AGBL5: variants seen among roughly 807,000 people sequenced by gnomAD.
The protein encoded by AGBL5 is cytosolic carboxypeptidase-like protein 5.
Under a neutral mutation model 88.0 loss-of-function variants are expected in AGBL5, and 51 were observed. The ratio of observed to expected loss-of-function variants is 0.58; its 90% CI spans 0.46 to 0.73. The LOEUF (loss-of-function observed/expected upper bound fraction) is 0.73, where lower values mean the gene tolerates loss of function less well. Among genes scored for constraint, AGBL5 ranks in the 30% least tolerant of loss-of-function variants. The pLI is 0.00. For synonymous variants in AGBL5, 446 were observed against 438.8 expected, an observed-to-expected ratio of 1.02 and a Z score of -0.21; for missense variants, 1,031 against 1,162.2, an observed-to-expected ratio of 0.89 and a Z score of 1.64.
At chr2:27,058,725 A>G (rs757871299) in intron 10 of AGBL5, 123 bp downstream of exon 10, 3 of 1,061,886 alleles carry the variant, frequency 2.8e-6, no homozygotes, top group Non-Finnish European at 4.1e-6. Context: ...AAATATCTTC[A>G]GGGTAAATTA....
In AGBL5 at chr2:27,059,419, G is replaced by A; in HGVS notation, c.2089+15G>A. ...CCCCGTCAGAGGTAAGCCAGTCTGG[G>A]AGCCCCTGCAACATGTGTTCGGTTG... On this transcript the variant is annotated intron_variant, in intron 11 of 14. Coordinates refer to ENST00000360131, the MANE Select transcript of AGBL5 (RefSeq NM_021831.6). 6.2e-7 allele frequency: 1 copy of A among 1,613,942 alleles called. No homozygotes were observed. Among genetic ancestry groups the A allele is most frequent in the Non-Finnish European group, 8.5e-7 (1 of 1,179,836 alleles).
intron 9 of AGBL5, 42 bp downstream of exon 9, chr2:27,057,480 C>T (rs2148281143): frequency 1.9e-6 from 3 of 1,554,658 alleles, no homozygotes; most frequent in Non-Finnish European, 2.6e-6. Context: ...AGAAACCTTA[C>T]AGTCTGGAAA....
At chr2:27,055,021 C>A in intron 5 of AGBL5, 54 bp from the exon 6 acceptor site, 3 of 1,577,382 alleles carry the variant, frequency 1.9e-6, no homozygotes, top group South Asian at 2.3e-5. Flanking sequence ...CATATACTGT[C>A]AAAGTAGAAC....
chr2:27,067,423 A>T (rs980660473), intron 11 of AGBL5, 71 bp from the exon 12 acceptor site: 9 of 1,499,376 alleles, frequency 6.0e-6, no homozygotes, highest in Non-Finnish European at 8.2e-6. Context: ...GGAAGCCAGC[A>T]GGTCAGTGAA....
At chr2:27,069,959 TGCA>T in intron 14 of AGBL5, 130 bp from the exon 15 acceptor site, 2 of 1,509,582 alleles carry the variant, frequency 1.3e-6, no homozygotes, top group East Asian at 4.6e-5. Context: ...CAAACCACTG[TGCA>T]GTAACCAACT....
At position 27,053,823 on chromosome 2, in the gene AGBL5, C is replaced by T; in HGVS notation, c.388-73C>T. On this transcript the variant is annotated intron_variant, in intron 3 of 14. Transcript: ENST00000360131. The surrounding 1 kb of genome is among the most constrained non-coding windows in gnomAD (Gnocchi z 4.9). ...AGGTGATAAGGGTGTGAGGTCAGTT[C>T]CTGGTGGTCCCAGTAGGAGCTCAGT... The T allele has an allele frequency of 6.5e-7, 1 of 1,537,898 alleles. No individual in the cohort carries two copies. Among genetic ancestry groups the T allele is most frequent in the Non-Finnish European group, 8.8e-7 (1 of 1,137,554 alleles).
At chr2:27,070,057 T>G (rs1669203738) in intron 14 of AGBL5, 35 bp from the exon 15 acceptor site, 12 of 1,592,472 alleles carry the variant, frequency 7.5e-6, no homozygotes, top group Non-Finnish European at 1.0e-5. Context: ...AGGAGAGTTT[T>G]CACAGCCCTG....
intron 10 of AGBL5, among the ~76,000 whole-genome samples, chr2:27,058,866 T>C (rs1438083561): frequency 6.6e-6 from 1 of 152,146 alleles, no homozygotes; most frequent in East Asian, 1.9e-4. Flanking sequence ...AAATCAAATA[T>C]AATTGCAGTG....
chr2:27,055,836 T>C lies in AGBL5; in HGVS notation c.1063T>C (p.Cys355Arg). The C allele has an allele frequency of 6.2e-7, 1 of 1,614,244 alleles. No individual in the cohort carries two copies. Among genetic ancestry groups the C allele is most frequent in the South Asian group, 1.1e-5 (1 of 91,086 alleles). ...TTCCTCTGAGCACCAGCCCAGTTCCTGTCTCCCTCCTGATGCTCCTGTTTC... is the reference window on the plus strand; with the variant it reads ...TTCCTCTGAGCACCAGCCCAGTTCCCGTCTCCCTCCTGATGCTCCTGTTTC... The part of the protein sequence containing the change: ...QSSSEHQPSS[C>R]LPPDAPVSDL... The change falls in exon 7 of 15, where the codon TGT (cysteine) becomes CGT (arginine). Residue 355 changes from cysteine to arginine, a missense_variant. Transcript: ENST00000360131.
Position 27,070,308 on chromosome 2 carries a change from T to C in AGBL5, c.*45T>C, listed in dbSNP as rs918955525. ...CCCAGGATATAGCCCCAAGATGGGGTAACAGTGGGAAATATGCTAGTTCCC... is the reference window on the plus strand; with the variant it reads ...CCCAGGATATAGCCCCAAGATGGGGCAACAGTGGGAAATATGCTAGTTCCC... On this transcript the variant is annotated 3_prime_UTR_variant, in exon 15 of 15. Coordinates refer to ENST00000360131, the MANE Select transcript of AGBL5 (RefSeq NM_021831.6). 9 of 1,592,178 alleles carry C rather than the reference T, an allele frequency of 5.7e-6. No homozygotes were observed. In the Admixed American group the frequency reaches 8.4e-5, roughly 15 times the overall value.
chr2:27,051,735 G>A lies in AGBL5; in HGVS notation c.-105G>A, dbSNP rs1327676435. The A allele has an allele frequency of 7.2e-5, 11 of 152,268 alleles. No homozygotes were observed. The allele number at this position is 152,268 out of a possible 1,614,324, so 9.4% of individuals were successfully genotyped here. ...GCCCGGGTGGAGGGCCCGGGTGCCG[G>A]GGCCCAAGGTGCGGCCTCGCTAGCG... On this transcript the variant is annotated 5_prime_UTR_variant, in exon 1 of 15. Coordinates refer to ENST00000360131, the MANE Select transcript of AGBL5 (RefSeq NM_021831.6).
intron 8 of AGBL5, 109 bp downstream of exon 8, chr2:27,056,901 C>T: frequency 7.8e-7 from 1 of 1,279,078 alleles, no homozygotes; most frequent in Non-Finnish European, 1.0e-6. Context: ...GAGGCTGAGG[C>T]AGGAGAATCG....
chr2:27,054,621 T>G lies in AGBL5; in HGVS notation c.552-9T>G. ...GACTTCTCCTGGCTTAATTTTTTTT[T>G]CCCTGTAGCCCCCTGGATACCATCT... On this transcript the variant is annotated splice_polypyrimidine_tract_variant and intron_variant, in intron 4 of 14. Coordinates refer to ENST00000360131, the MANE Select transcript of AGBL5 (RefSeq NM_021831.6). The G allele has an allele frequency of 6.2e-7, 1 of 1,608,036 alleles. No homozygotes were observed. The highest frequency in any genetic ancestry group is 8.5e-7 in the Non-Finnish European group (1 of 1,177,148).
chr2:27,054,342 A>T (rs1343455878), intron 4 of AGBL5: 1 of 557,242 alleles, frequency 1.8e-6, no homozygotes, highest in Admixed American at 3.5e-5. Context: ...TATGTGACTC[A>T]GTATACCTTT....
chr2:27,057,137 T>C (rs1053626491), intron 8 of AGBL5, 166 bp from the exon 9 acceptor site: 3 of 697,972 alleles, frequency 4.3e-6, no homozygotes, highest in South Asian at 2.1e-5. Flanking sequence ...TCTGGGTATA[T>C]GGTACAGTAC....
Position 27,058,077 on chromosome 2 carries a change from CA to C in AGBL5, c.1672-309del, listed in dbSNP as rs371762935. 3.3e-3 allele frequency among the ~76,000 whole-genome samples: 416 copies of C among 126,814 alleles called. 1 individual carries two copies. The highest frequency in any genetic ancestry group is 5.9e-3 in the African/African-American group (202 of 34,516). 83.2% of individuals were successfully genotyped at this position (126,814 alleles called of 152,430 possible). A position where few individuals can be genotyped will look rare whatever the true frequency, so the allele number is the denominator to read the frequency against. On this transcript the variant is annotated intron_variant, in intron 9 of 14. Coordinates refer to ENST00000360131, the MANE Select transcript of AGBL5 (RefSeq NM_021831.6). ...TGGGCAATAGATCAAGATGCCGTCT[CA>C]AAAAAAAAAAAAAGTAGATCTGTAG...
Sources: allele counts gnomAD v4.1 joint callset (sites outside exome capture counted in the v4.1 genomes callset), GRCh38; gene constraint gnomAD v4.1.1; non-coding constraint Gnocchi (gnomAD v3.1); transcripts MANE v1.5; gene names NCBI Gene and HGNC (gene_info 2026-07-23, HGNC 2026-07-21).